Variants in NBPF20 observed in about 807,000 individuals in gnomAD.
NBPF20 encodes the protein NBPF member 20, also known as NBPF family member NBPF20.
A neutral mutation model predicts 68.1 loss-of-function variants in NBPF20; 90 were observed. The observed-to-expected ratio is 1.32, with a 90% CI of 1.11 to 1.58. The LOEUF (loss-of-function observed/expected upper bound fraction) is 1.58, where lower values mean the gene tolerates loss of function less well. Among genes scored for constraint, NBPF20 ranks in the 40% most tolerant of loss-of-function variants. NBPF20 has a pLI of 0.00. For synonymous variants in NBPF20, 290 were observed against 228.1 expected, an observed-to-expected ratio of 1.27 and a Z score of -2.45; for missense variants, 816 against 601.2, an observed-to-expected ratio of 1.36 and a Z score of -3.74.
At chr1:145,416,887 G>A in the NBPF20 span, among the ~76,000 whole-genome samples, 2 of 151,088 alleles carry the variant, frequency 1.3e-5, no homozygotes, top group African/African-American at 4.9e-5. Flanking sequence ...CACTTAAATG[G>A]TATTGACAGA....
At chr1:145,340,787 C>A in exon 76 of NBPF20, 1 of 142,874 alleles carries the variant, frequency 7.0e-6, no homozygotes, top group East Asian at 1.1e-4. Flanking sequence ...AACAGCCAAG[C>A]CAACACGCTG....
chr1:145,411,460 C>T, the NBPF20 span, among the ~76,000 whole-genome samples: 3 of 108,670 alleles, frequency 2.8e-5, no homozygotes, highest in Non-Finnish European at 5.5e-5. Flanking sequence ...GATGCGATCT[C>T]GGCTCACTGT....
rs1194170645 is a variant in NBPF20 at position 145,298,371 on chromosome 1, G to GAC, written c.15684-239_15684-238dup. Among the ~76,000 whole-genome samples, 134 of 139,028 alleles carry GAC rather than the reference G, an allele frequency of 9.6e-4. 3 individuals carry two copies. The South Asian group carries it at 0.013, about 14-fold the overall frequency. 91.2% of individuals were successfully genotyped at this position (139,028 alleles called of 152,430 possible). ...ACACACACACAGACACACACACACA[G>GAC]ACACACACACACACACAGAGAGAGA... On this transcript the variant is annotated intron_variant, in intron 129 of 137. Coordinates refer to ENST00000369373, the Ensembl canonical transcript of NBPF20.
chr1:145,404,192 C>A (rs1188406697), intron 2 of NBPF20, among the ~76,000 whole-genome samples: 15 of 149,666 alleles, frequency 1.0e-4, no homozygotes, highest in Non-Finnish European at 1.5e-5. Context: ...GCCTGTGCAC[C>A]AGGAAACAGG....
At chr1:145,424,235 C>T in the NBPF20 span, among the ~76,000 whole-genome samples, 1 of 149,764 alleles carries the variant, frequency 6.7e-6, no homozygotes, top group Non-Finnish European at 1.5e-5. Flanking sequence ...CTTGGCGTCC[C>T]AAAGTGCTGG....
At chr1:145,291,964 C>CAGAG (rs1214346578) in intron 137 of NBPF20, among the ~76,000 whole-genome samples, 195 bp from the exon 143 acceptor site, 5 of 150,132 alleles carry the variant, frequency 3.3e-5, no homozygotes, top group Non-Finnish European at 7.4e-5. Flanking sequence ...AAGAGAAAGA[C>CAGAG]AGAGAGAGAG....
intron 8 of NBPF20, 100 bp downstream of exon 13, chr1:145,394,878 T>G: frequency 1.3e-6 from 2 of 1,575,094 alleles, no homozygotes; most frequent in South Asian, 2.2e-5. Context: ...CCCACGGTGA[T>G]GGCAAATCTC....
At chr1:145,401,677 A>C (rs1251037559) in intron 4 of NBPF20, among the ~76,000 whole-genome samples, 64 of 145,672 alleles carry the variant, frequency 4.4e-4, no homozygotes, top group East Asian at 1.9e-3. Context: ...TCACACGGCG[A>C]GGGCCTTCAT....
At chr1:145,392,695 A>C (rs1480326132) in intron 10 of NBPF20, among the ~76,000 whole-genome samples, 1 of 45,588 alleles carries the variant, frequency 2.2e-5, no homozygotes, top group East Asian at 1.7e-3. Context: ...GCCCTGTCTC[A>C]TCAAATACTC....
chr1:145,406,151 G>T (rs1323361492), upstream of NBPF20, among the ~76,000 whole-genome samples: 4 of 143,684 alleles, frequency 2.8e-5, no homozygotes, highest in Non-Finnish European at 6.0e-5. Context: ...TAGCCACGAT[G>T]GTCTCGATCT....
At chr1:145,394,109 G>A (rs1553663108) in intron 8 of NBPF20, among the ~76,000 whole-genome samples, 174 bp from the exon 14 acceptor site, 7 of 152,074 alleles carry the variant, frequency 4.6e-5, no homozygotes, top group South Asian at 4.1e-4. Flanking sequence ...AACTGGCTTG[G>A]GTTCTTTCAT....
chr1:145,407,188 G>A (rs1453602737), upstream of NBPF20, among the ~76,000 whole-genome samples: 19 of 150,214 alleles, frequency 1.3e-4, no homozygotes, highest in East Asian at 3.9e-4. Context: ...TAGAAGCGGC[G>A]GTGCGAGCAT....
chr1:145,398,575 G>T (rs1662368765), intron 7 of NBPF20, among the ~76,000 whole-genome samples: 1 of 152,108 alleles, frequency 6.6e-6, no homozygotes. Context: ...CACATTTAAA[G>T]CAATGTGTAG....
At chr1:145,411,548 G>A in the NBPF20 span, among the ~76,000 whole-genome samples, 7 of 80,846 alleles carry the variant, frequency 8.7e-5, no homozygotes, top group East Asian at 3.6e-4. Context: ...ATGCCACCAT[G>A]CCTAGCTAAT....
At chr1:145,414,331 AACAG>A in the NBPF20 span, among the ~76,000 whole-genome samples, 10 of 151,762 alleles carry the variant, frequency 6.6e-5, no homozygotes, top group Admixed American at 3.9e-4. Context: ...TGAAAGATGA[AACAG>A]ACAGGTAAGG....
At chr1:145,411,153 T>C in the NBPF20 span, among the ~76,000 whole-genome samples, 1 of 145,702 alleles carries the variant, frequency 6.9e-6, no homozygotes, top group Non-Finnish European at 1.5e-5. Context: ...ACCATATAAA[T>C]GGTAGAATCA....
chr1:145,404,938 G>T (rs1396737382), intron 2 of NBPF20, among the ~76,000 whole-genome samples, 160 bp downstream of exon 7: 8 of 151,836 alleles, frequency 5.3e-5, no homozygotes, highest in Non-Finnish European at 1.0e-4. Flanking sequence ...TAAATACTTT[G>T]GTACCTCTGT....
chr1:145,407,506 TATACGTGTATATAC>T (rs1225843581), upstream of NBPF20, among the ~76,000 whole-genome samples: 5 of 146,466 alleles, frequency 3.4e-5, no homozygotes, highest in Non-Finnish European at 6.0e-5. Context: ...ATATAATATA[TATACGTGTATATAC>T]ATACGTGTAT....
chr1:145,393,369 G>A (rs1407766464), intron 9 of NBPF20, 123 bp from the exon 15 acceptor site: 8 of 709,920 alleles, frequency 1.1e-5, no homozygotes, highest in South Asian at 9.1e-5. Flanking sequence ...CCATTAATGA[G>A]GTAAGAAATT....
Sources: gnomAD v4.1 joint callset for allele counts (sites outside exome capture counted in the v4.1 genomes callset) on GRCh38, gnomAD v4.1.1 for gene constraint, MANE v1.5 for transcripts, NCBI Gene and HGNC (gene_info 2026-07-23, HGNC 2026-07-21) for gene names.